The following SLC37A3 variants were observed in gnomAD, a reference collection of about 807,000 sequenced individuals.
SLC37A3 encodes solute carrier family 37 member 3.
Under a neutral mutation model 67.1 loss-of-function variants are expected in SLC37A3, and 51 were observed. The observed-to-expected ratio is 0.76, with a 90% CI of 0.61 to 0.96. The LOEUF is 0.96. SLC37A3 is among the 40% of genes least tolerant of loss of function. The pLI, the probability that SLC37A3 is intolerant of heterozygous loss-of-function variation, is 0.00. For synonymous variants in SLC37A3, 214 were observed against 231.4 expected (o/e 0.92, Z 0.68); for missense variants, 508 against 603.0 (o/e 0.84, Z 1.65).
intron 5 of SLC37A3, among the ~76,000 whole-genome samples, chr7:140,362,595 G>GGT (rs1797381784): frequency 1.1e-5 from 1 of 90,140 alleles, no homozygotes; most frequent in Non-Finnish European, 2.5e-5. Flanking sequence ...CGGGAGGTGA[G>GGT]GGGCGCCTCT....
intron 1 of SLC37A3, among the ~76,000 whole-genome samples, chr7:140,390,568 A>T (rs949448786): frequency 2.7e-4 from 41 of 152,158 alleles, no homozygotes; most frequent in South Asian, 2.1e-4. Context: ...GGGGCTCTAT[A>T]GCCTGCTGTT....
Position 140,387,771 on chromosome 7 carries a change from T to TTATATAAA in SLC37A3, c.-70-5176_-70-5175insTTTATATA, listed in dbSNP as rs1236831890. Among the ~76,000 whole-genome samples, 16 of 67,504 alleles carry TTATATAAA rather than the reference T, an allele frequency of 2.4e-4. 3 individuals carry two copies. Among genetic ancestry groups the TTATATAAA allele is most frequent in the African/African-American group, 9.7e-4 (14 of 14,478 alleles). 44.3% of individuals were successfully genotyped at this position (67,504 alleles called of 152,430 possible). A position where few individuals can be genotyped will look rare whatever the true frequency, so the allele number is the denominator to read the frequency against. Reference sequence around the variant, plus strand: ...TATAAATATAAATATATTATATATATTATACATAAATATAAATATATTATA... The same window carrying TTATATAAA: ...TATAAATATAAATATATTATATATATTATATAAATATACATAAATATAAATATATTATA... On this transcript the variant is annotated intron_variant, in intron 1 of 14. Transcript: ENST00000326232.
At chr7:140,393,122 C>T (rs910608445) in intron 1 of SLC37A3, among the ~76,000 whole-genome samples, 1 of 152,114 alleles carries the variant, frequency 6.6e-6, no homozygotes, top group Non-Finnish European at 1.5e-5. Context: ...ACAACTTCCT[C>T]CTGTGTCCTC....
chr7:140,370,170 A>G (rs1219123075), intron 3 of SLC37A3, among the ~76,000 whole-genome samples: 1 of 149,956 alleles, frequency 6.7e-6, no homozygotes, highest in South Asian at 2.1e-4. Flanking sequence ...TGCTTTTATT[A>G]TTTTTAATTG....
chr7:140,338,330 C>T (rs1476936288), intron 13 of SLC37A3, among the ~76,000 whole-genome samples: 2 of 152,204 alleles, frequency 1.3e-5, no homozygotes, highest in African/African-American at 2.4e-5. Context: ...CCCATCTCCC[C>T]AGCCCTTGCT....
Position 140,364,488 on chromosome 7 carries a change from G to A in SLC37A3, c.295C>T (p.Leu99=), listed in dbSNP as rs1373074909. The A allele has an allele frequency of 6.2e-7, 1 of 1,613,556 alleles. No homozygotes were observed. The highest frequency in any genetic ancestry group is 2.2e-5 in the East Asian group (1 of 44,848). Reference sequence around the variant, plus strand: ...TCCCCAACGATGCCACTGATGAATAGGCCCTAAAAATAAAGCATTTTCTTT... The same window carrying A: ...TCCCCAACGATGCCACTGATGAATAAGCCCTAAAAATAAAGCATTTTCTTT... ...TIFLFSYAVG[L]FISGIVGDRL... Residue 99 remains leucine, a synonymous_variant, in exon 5 of 15, where the codon CTA becomes TTA. Transcript: ENST00000326232.
chr7:140,346,854 C>G (rs1405428732), intron 10 of SLC37A3, among the ~76,000 whole-genome samples: 1 of 151,060 alleles, frequency 6.6e-6, no homozygotes, highest in African/African-American at 2.4e-5. Context: ...TATCGTGCTG[C>G]TTGAACCCAG....
chr7:140,351,253 A>G lies in SLC37A3; in HGVS notation c.882+20T>C, dbSNP rs1213403575. On this transcript the variant is annotated intron_variant, in intron 9 of 14. Transcript: ENST00000326232. The stretch of plus-strand genomic sequence containing the variant: ...GCTCTCATACCTCCCTGGCTGTGGT[A>G]AGATGTAAGCGGTCCTTACCGGTAT... 1.2e-6 allele frequency: 2 copies of G among 1,603,668 alleles called. No homozygotes were observed. The highest frequency in any genetic ancestry group is 1.7e-6 in the Non-Finnish European group (2 of 1,174,738).
rs374510162 is a variant in SLC37A3 at position 140,380,240 on chromosome 7, G to A, written c.198+42C>T. 29 of 1,249,852 alleles carry A rather than the reference G, an allele frequency of 2.3e-5. 1 individual carries two copies. Among genetic ancestry groups the A allele is most frequent in the Non-Finnish European group, 2.8e-5 (24 of 861,964 alleles). 77.4% of individuals were successfully genotyped at this position (1,249,852 alleles called of 1,614,324 possible). On this transcript the variant is annotated intron_variant, in intron 3 of 14. Transcript: ENST00000326232. The stretch of plus-strand genomic sequence containing the variant: ...TTAAGAACAATCTAGGGGTGGGCAC[G>A]GTCTCCTACTTCGATCCATCCCAGC...
intron 5 of SLC37A3, among the ~76,000 whole-genome samples, chr7:140,363,943 T>C (rs1797490151): frequency 6.6e-6 from 1 of 152,128 alleles, no homozygotes; most frequent in African/African-American, 2.4e-5. Flanking sequence ...CAAAGGAACC[T>C]GATTAGAATC....
chr7:140,379,391 T>C (rs1798159157), intron 3 of SLC37A3: 2 of 149,514 alleles, frequency 1.3e-5, no homozygotes, highest in Non-Finnish European at 3.0e-5. Flanking sequence ...AGGAAAATGG[T>C]GTGAACCTGG....
chr7:140,335,156 AG>A lies in SLC37A3; in HGVS notation c.*255del. 1 of 1,459,608 alleles carries A rather than the reference AG, an allele frequency of 6.9e-7. No homozygotes were observed. Among genetic ancestry groups the A allele is most frequent in the Non-Finnish European group, 9.3e-7 (1 of 1,074,198 alleles). 90.4% of individuals were successfully genotyped at this position (1,459,608 alleles called of 1,614,324 possible). On this transcript the variant is annotated 3_prime_UTR_variant, in exon 15 of 15. Transcript: ENST00000326232. ...AGACGCGGGCAGAGTCAGAGGTCAA[AG>A]ATGCTGGCAGAGTCAGAAGTCACTC...
intron 7 of SLC37A3, among the ~76,000 whole-genome samples, chr7:140,355,227 T>C (rs1037192549): frequency 6.6e-6 from 1 of 152,102 alleles, no homozygotes; most frequent in Non-Finnish European, 1.5e-5. Context: ...ATTAATTTAT[T>C]TCTGAACAGA....
chr7:140,355,629 G>C, intron 7 of SLC37A3, 39 bp downstream of exon 7: 7 of 1,425,718 alleles, frequency 4.9e-6, no homozygotes, highest in Non-Finnish European at 5.9e-6. Flanking sequence ...TGCACACAGA[G>C]AGAGAGAGAG....
At position 140,355,484 on chromosome 7, in the gene SLC37A3, G is replaced by A. The variant is rs911461569; in HGVS notation, c.618+184C>T. On this transcript the variant is annotated intron_variant, in intron 7 of 14. Transcript: ENST00000326232. Reference sequence around the variant, plus strand: ...CTGCCTTGGCCTCCCAAAGTGCTGGGGTTATAGGCGTGAGCCACCACACCC... The same window carrying A: ...CTGCCTTGGCCTCCCAAAGTGCTGGAGTTATAGGCGTGAGCCACCACACCC... Among the ~76,000 whole-genome samples, 5 of 152,216 alleles carry A rather than the reference G, an allele frequency of 3.3e-5. No homozygotes were observed. The South Asian group carries it at 1.0e-3, about 32-fold the overall frequency.
intron 13 of SLC37A3, among the ~76,000 whole-genome samples, chr7:140,342,157 G>A (rs1796384583): frequency 6.6e-6 from 1 of 152,132 alleles, no homozygotes; most frequent in Admixed American, 6.5e-5. Context: ...ACATTAACAA[G>A]TGCATATAGA....
intron 1 of SLC37A3, among the ~76,000 whole-genome samples, chr7:140,383,678 C>CT (rs1201735679): frequency 8.0e-5 from 12 of 150,710 alleles, no homozygotes; most frequent in South Asian, 4.2e-4. Flanking sequence ...CTTCCAGTGG[C>CT]TTTTTTTTTA....
intron 5 of SLC37A3, among the ~76,000 whole-genome samples, chr7:140,361,272 CG>C (rs1294790123): frequency 4.0e-5 from 6 of 151,224 alleles, no homozygotes; most frequent in African/African-American, 1.5e-4. Flanking sequence ...CACCTGAGGT[CG>C]GGAGTTCGAG....
At chr7:140,361,404 C>A (rs1797268096) in intron 5 of SLC37A3, among the ~76,000 whole-genome samples, 1 of 151,440 alleles carries the variant, frequency 6.6e-6, no homozygotes, top group African/African-American at 2.4e-5. Flanking sequence ...ATCGCTTGAA[C>A]CTGGGAGGTG....
Sources: gnomAD v4.1 joint callset for allele counts (sites outside exome capture counted in the v4.1 genomes callset) on GRCh38, gnomAD v4.1.1 for gene constraint, MANE v1.5 for transcripts, NCBI Gene and HGNC (gene_info 2026-07-23, HGNC 2026-07-21) for gene names.